SYT2: variants seen among roughly 807,000 people sequenced by gnomAD.
The protein encoded by SYT2 is synaptotagmin 2.
A neutral mutation model predicts 39.9 loss-of-function variants in SYT2; 15 were observed. The observed-to-expected ratio is 0.38, with a 90% CI of 0.25 to 0.58. SYT2 has a LOEUF of 0.58. Ranked by LOEUF, SYT2 falls within the 20% of genes least tolerant of loss-of-function variation. The probability of loss-of-function intolerance (pLI) is 0.70; values close to 1 mark genes in which losing one functional copy is unlikely to be tolerated. For missense variants in SYT2, 389 were observed against 530.3 expected, an observed-to-expected ratio of 0.73 and a Z score of 2.62; for synonymous variants, 181 against 204.5, an observed-to-expected ratio of 0.89 and a Z score of 0.98.
intron 1 of SYT2, among the ~76,000 whole-genome samples, chr1:202,670,306 A>G (rs1692563977): frequency 1.3e-5 from 2 of 152,340 alleles, no homozygotes; most frequent in South Asian, 2.1e-4. Context: ...AGGCCAAGAC[A>G]GCATGGGATT....
intron 1 of SYT2, among the ~76,000 whole-genome samples, chr1:202,640,707 T>G (rs1691881467): frequency 6.7e-6 from 1 of 149,332 alleles, no homozygotes; most frequent in Admixed American, 6.7e-5. Context: ...TCCCATGAAG[T>G]TTCTACTGCA....
intron 1 of SYT2, among the ~76,000 whole-genome samples, chr1:202,646,522 C>T (rs1026620376): frequency 2.6e-5 from 4 of 152,210 alleles, no homozygotes; most frequent in Non-Finnish European, 5.9e-5. Context: ...GGAGTAGGCA[C>T]TCAGTAAACA....
At chr1:202,650,708 G>C (rs977729085) in intron 1 of SYT2, among the ~76,000 whole-genome samples, 2 of 152,190 alleles carry the variant, frequency 1.3e-5, no homozygotes, top group African/African-American at 4.8e-5. Context: ...GAAGTTTGCT[G>C]GGGGAGACAG....
chr1:202,661,175 C>G (rs1692371871), intron 1 of SYT2, among the ~76,000 whole-genome samples: 1 of 151,980 alleles, frequency 6.6e-6, no homozygotes, highest in Admixed American at 6.6e-5. Flanking sequence ...GTGCTGGATG[C>G]TAAGGTTAAG....
intron 1 of SYT2, among the ~76,000 whole-genome samples, chr1:202,617,219 A>G (rs1165468807): frequency 6.6e-6 from 1 of 152,206 alleles, no homozygotes; most frequent in African/African-American, 2.4e-5. Flanking sequence ...CCTATGATAC[A>G]GTTTGGATCT....
intron 1 of SYT2, among the ~76,000 whole-genome samples, chr1:202,650,666 T>C (rs1455369666): frequency 6.6e-6 from 1 of 152,136 alleles, no homozygotes; most frequent in Non-Finnish European, 1.5e-5. Context: ...GATAGAGTGC[T>C]CTGGGACACA....
chr1:202,609,542 C>A (rs942559501), intron 1 of SYT2, among the ~76,000 whole-genome samples: 2 of 152,222 alleles, frequency 1.3e-5, no homozygotes, highest in African/African-American at 4.8e-5. Flanking sequence ...CACATCCTCT[C>A]CAGCACCTGT....
chr1:202,644,953 G>A (rs764237122), intron 1 of SYT2, among the ~76,000 whole-genome samples: 20 of 152,192 alleles, frequency 1.3e-4, no homozygotes, highest in Non-Finnish European at 2.8e-4. Context: ...GCAGCAGCTC[G>A]CTTGTCACAG....
chr1:202,705,722 C>CT (rs33940077), intron 1 of SYT2, among the ~76,000 whole-genome samples: 2,053 of 145,092 alleles, frequency 0.014, 27 homozygotes, highest in African/African-American at 0.038. Flanking sequence ...TTTGGGAGTC[C>CT]TTTTTTTTTT....
At chr1:202,663,298 C>A (rs1237425671) in intron 1 of SYT2, among the ~76,000 whole-genome samples, 1 of 152,218 alleles carries the variant, frequency 6.6e-6, no homozygotes, top group African/African-American at 2.4e-5. Context: ...GTTTTATCGG[C>A]AGCCATTCTA....
rs1192612223 is a variant in SYT2 at position 202,623,580 on chromosome 1, G to A, written c.-17-17791C>T. Among the ~76,000 whole-genome samples the A allele has an allele frequency of 6.6e-6, 1 of 152,258 alleles. No homozygotes were observed. The highest frequency in any genetic ancestry group is 6.5e-5 in the Admixed American group (1 of 15,290). On this transcript the variant is annotated intron_variant, in intron 1 of 8. Transcript: ENST00000367268. This position sits in a 1 kb window ranked among gnomAD's most constrained non-coding sequence, Gnocchi z 4.2. ...GGGAAGGGTGGGCGACCCGGAATGA[G>A]TGATTGAGTGGGGACAGATGGAGGC...
chr1:202,599,180 A>C lies in SYT2; in HGVS notation c.1053+38T>G. ...CTCCCCATACATGTTTGCCTCCCCA[A>C]ACCCTGCTCCATGCCTAGGAACCCA... On this transcript the variant is annotated intron_variant, in intron 8 of 8. Transcript: ENST00000367268. The surrounding 1 kb of genome is among the most constrained non-coding windows in gnomAD (Gnocchi z 4.4). 6.2e-7 allele frequency: 1 copy of C among 1,609,174 alleles called. No homozygotes were observed. Among genetic ancestry groups the C allele is most frequent in the Non-Finnish European group, 8.5e-7 (1 of 1,178,314 alleles).
In SYT2 at chr1:202,601,962, C is replaced by T; in HGVS notation, c.729G>A (p.Val243=). The part of the protein sequence containing the change: ...SKHDIIGEVK[V]PMNTVDLGQP... ...GGCCGAGGTCCACTGTGTTCATAGG[C>T]ACCTTTACCTCTCCAATGATGTCAT... The change falls in exon 6 of 9, where the codon GTG becomes GTA. Residue 243 remains valine (V), a synonymous_variant. Transcript: ENST00000367268. The surrounding 1 kb of genome is among the most constrained non-coding windows in gnomAD (Gnocchi z 4.0). 6.2e-7 allele frequency: 1 copy of T among 1,614,198 alleles called. No homozygotes were observed. Among genetic ancestry groups the T allele is most frequent in the African/African-American group, 1.3e-5 (1 of 75,044 alleles).
At chr1:202,638,940 G>T (rs1196662062) in intron 1 of SYT2, among the ~76,000 whole-genome samples, 7 of 152,204 alleles carry the variant, frequency 4.6e-5, no homozygotes, top group Admixed American at 4.6e-4. Context: ...CTGAGCAGGG[G>T]CCAACTGTGA....
chr1:202,671,440 A>G (rs115810801), intron 1 of SYT2, among the ~76,000 whole-genome samples: 2,186 of 152,358 alleles, frequency 0.014, 12 homozygotes, highest in South Asian at 0.025. Flanking sequence ...TGAGGAAAAA[A>G]GTTTGATGAA....
intron 1 of SYT2, among the ~76,000 whole-genome samples, chr1:202,682,267 G>GT (rs1400673658): frequency 6.6e-5 from 10 of 152,202 alleles, no homozygotes. Flanking sequence ...AGCATGATGG[G>GT]TTGGCTTGTG....
intron 1 of SYT2, among the ~76,000 whole-genome samples, chr1:202,641,142 G>A (rs1432429583): frequency 6.6e-6 from 1 of 152,138 alleles, no homozygotes; most frequent in Non-Finnish European, 1.5e-5. Context: ...TTTGCTCAAG[G>A]TCACACAGCT....
chr1:202,656,153 TATGCACACTTGCATGC>T, intron 1 of SYT2, among the ~76,000 whole-genome samples: 1 of 152,118 alleles, frequency 6.6e-6, no homozygotes, highest in South Asian at 2.1e-4. Flanking sequence ...CACGTGCACA[TATGCACACTTGCATGC>T]ATGCACACAG....
In SYT2 at chr1:202,592,246, C is replaced by T. The variant is rs971847049; in HGVS notation, c.*4511G>A. 4 of 152,750 alleles carry T rather than the reference C, an allele frequency of 2.6e-5. No individual in the cohort carries two copies. The highest frequency in any genetic ancestry group is 5.9e-5 in the Non-Finnish European group (4 of 68,134). 9.5% of individuals were successfully genotyped at this position (152,750 alleles called of 1,614,324 possible). ...TACCAGGCTGGACACTGCACCGGGC[C>T]CTGAGGTTTGGCTCTGCAGGCAGAT... On this transcript the variant is annotated 3_prime_UTR_variant, in exon 9 of 9. Coordinates refer to ENST00000367268, the MANE Select transcript of SYT2 (RefSeq NM_177402.5).
Sources: gnomAD v4.1 joint callset for allele counts (sites outside exome capture counted in the v4.1 genomes callset) on GRCh38, gnomAD v4.1.1 for gene constraint, Gnocchi (gnomAD v3.1) non-coding constraint, MANE v1.5 for transcripts, NCBI Gene and HGNC (gene_info 2026-07-23, HGNC 2026-07-21) for gene names.